The following MAP3K1 variants were observed in gnomAD, a reference collection of about 807,000 sequenced individuals.
MAP3K1 encodes the protein mitogen-activated protein kinase kinase kinase 1.
A neutral mutation model predicts 144.2 loss-of-function variants in MAP3K1; 36 were observed. That is an observed-to-expected ratio of 0.25 (90% confidence interval 0.19 to 0.33). The LOEUF is 0.33. Ranked by LOEUF, MAP3K1 falls within the 10% of genes least tolerant of loss-of-function variation. MAP3K1 has a pLI of 1.00. For missense variants in MAP3K1, 1,650 were observed against 1,881.9 expected, an observed-to-expected ratio of 0.88 and a Z score of 2.28; for synonymous variants, 718 against 688.7, an observed-to-expected ratio of 1.04 and a Z score of -0.67.
intron 19 of MAP3K1, among the ~76,000 whole-genome samples, chr5:56,893,090 G>A (rs527262609): frequency 6.6e-6 from 1 of 152,080 alleles, no homozygotes; most frequent in South Asian, 2.1e-4. Context: ...CAATGCAGTT[G>A]TGTTTTCTAT....
At chr5:56,850,187 C>G (rs1747126610) in intron 1 of MAP3K1, among the ~76,000 whole-genome samples, 1 of 152,144 alleles carries the variant, frequency 6.6e-6, no homozygotes, top group Non-Finnish European at 1.5e-5. Flanking sequence ...CCTTGCTGTC[C>G]TCTTCCTCAG....
At chr5:56,891,148 A>ACCC (rs71926811) in intron 19 of MAP3K1, among the ~76,000 whole-genome samples, 1 of 141,524 alleles carries the variant, frequency 7.1e-6, no homozygotes, top group African/African-American at 2.8e-5. Context: ...ACACACACAC[A>ACCC]CCCCCCCCCC....
chr5:56,854,432 C>CAAAAAAAAAAAA (rs10647091), intron 1 of MAP3K1, among the ~76,000 whole-genome samples: 9 of 85,242 alleles, frequency 1.1e-4, no homozygotes, highest in South Asian at 4.5e-4. Flanking sequence ...AACTCCATCT[C>CAAAAAAAAAAAA]AAAAAAAAAA....
At chr5:56,827,576 G>T (rs1746356417) in intron 1 of MAP3K1, among the ~76,000 whole-genome samples, 1 of 152,204 alleles carries the variant, frequency 6.6e-6, no homozygotes, top group African/African-American at 2.4e-5. Flanking sequence ...TTAAGAACCT[G>T]GGCCTTGCTG....
At chr5:56,834,648 G>C (rs1373827232) in intron 1 of MAP3K1, among the ~76,000 whole-genome samples, 1 of 152,174 alleles carries the variant, frequency 6.6e-6, no homozygotes, top group Non-Finnish European at 1.5e-5. Context: ...GGCGGATGTT[G>C]CAGTGAGCTG....
intron 6 of MAP3K1, among the ~76,000 whole-genome samples, chr5:56,867,914 T>C (rs909609642): frequency 6.6e-6 from 1 of 152,208 alleles, no homozygotes; most frequent in Non-Finnish European, 1.5e-5. Context: ...CATGTAGGCA[T>C]TAAAATTATG....
intron 1 of MAP3K1, among the ~76,000 whole-genome samples, chr5:56,850,359 T>C (rs960796417): frequency 2.0e-5 from 3 of 152,192 alleles, no homozygotes; most frequent in African/African-American, 7.2e-5. Flanking sequence ...GATACGGAAA[T>C]CTTAATTTAT....
At chr5:56,820,466 G>C in intron 1 of MAP3K1, 2 of 984,538 alleles carry the variant, frequency 2.0e-6, no homozygotes, top group Non-Finnish European at 2.4e-6. Flanking sequence ...AAGTTTGCCT[G>C]TTAATGTATA....
chr5:56,823,825 G>C (rs1229214991), intron 1 of MAP3K1, among the ~76,000 whole-genome samples: 1 of 152,144 alleles, frequency 6.6e-6, no homozygotes, highest in Non-Finnish European at 1.5e-5. Context: ...AACTTTATAG[G>C]TAAGAAGAGT....
chr5:56,875,228 C>G lies in MAP3K1; in HGVS notation c.1883C>G (p.Ser628Ter). The change falls in exon 10 of 20, where the codon TCA becomes TGA. Residue 628 changes from serine (S) to a stop codon, truncating the protein, a stop_gained. Transcript: ENST00000399503. LOFTEE classifies it high-confidence loss of function. Reference sequence around the variant, plus strand: ...AGTGGGTCTTCCCAGACCAGTATCTCAGGAGATGTGGTGGAGGCATGCTGC... The same window carrying G: ...AGTGGGTCTTCCCAGACCAGTATCTGAGGAGATGTGGTGGAGGCATGCTGC... ...ATSGSSQTSI[S>*]GDVVEACCSV... 1 of 1,614,094 alleles carries G rather than the reference C, an allele frequency of 6.2e-7. No individual in the cohort carries two copies. The highest frequency in any genetic ancestry group is 8.5e-7 in the Non-Finnish European group (1 of 1,180,010).
At chr5:56,834,941 T>A (rs564459926) in intron 1 of MAP3K1, among the ~76,000 whole-genome samples, 10 of 152,320 alleles carry the variant, frequency 6.6e-5, no homozygotes, top group African/African-American at 2.4e-4. Flanking sequence ...TAATAAGATA[T>A]AAAATTAAGT....
At chr5:56,821,966 C>A (rs778470492) in intron 1 of MAP3K1, among the ~76,000 whole-genome samples, 4 of 152,094 alleles carry the variant, frequency 2.6e-5, no homozygotes, top group Non-Finnish European at 4.4e-5. Flanking sequence ...TAGCTTAAGA[C>A]GAGTTTTGAA....
chr5:56,826,556 T>C (rs1034086027), intron 1 of MAP3K1, among the ~76,000 whole-genome samples: 3 of 152,188 alleles, frequency 2.0e-5, no homozygotes, highest in African/African-American at 7.2e-5. Flanking sequence ...CCTTCACAGG[T>C]CAGACAACAG....
At chr5:56,889,494 C>G (rs1174429428) in intron 19 of MAP3K1, among the ~76,000 whole-genome samples, 1 of 152,174 alleles carries the variant, frequency 6.6e-6, no homozygotes, top group Non-Finnish European at 1.5e-5. Context: ...TAAAAATTCA[C>G]ACCCAAGTCA....
At chr5:56,829,174 CTT>C (rs941506603) in intron 1 of MAP3K1, among the ~76,000 whole-genome samples, 2 of 142,918 alleles carry the variant, frequency 1.4e-5, no homozygotes. Context: ...TGTTTTTCTT[CTT>C]TTTTTTTTTT....
chr5:56,861,476 G>A (rs1301297721), intron 3 of MAP3K1, among the ~76,000 whole-genome samples: 1 of 151,104 alleles, frequency 6.6e-6, no homozygotes, highest in Non-Finnish European at 1.5e-5. Flanking sequence ...GGAGGCTGAG[G>A]CAGAGAGAAT....
In MAP3K1 at chr5:56,815,675, C is replaced by G; in HGVS notation, c.102C>G (p.Ser34Arg). The G allele has an allele frequency of 7.6e-7, 1 of 1,308,538 alleles. No homozygotes were observed. The highest frequency in any genetic ancestry group is 9.7e-7 in the Non-Finnish European group (1 of 1,032,240). 81.1% of individuals were successfully genotyped at this position (1,308,538 alleles called of 1,614,324 possible). A position where few individuals can be genotyped will look rare whatever the true frequency, so the allele number is the denominator to read the frequency against. ...GCGGCGGAGGAGCCCTCAAGGCGAG[C>G]AGCGCGCCCGCGGCTGCCGCGGGAC... The part of the protein sequence containing the change: ...AGGGGGALKA[S>R]SAPAAAAGLL... The change falls in exon 1 of 20, where the codon AGC becomes AGG. Residue 34 changes from serine to arginine, a missense_variant. Coordinates refer to ENST00000399503, the MANE Select transcript of MAP3K1 (RefSeq NM_005921.2).
chr5:56,890,390 C>G (rs1205169800), intron 19 of MAP3K1, among the ~76,000 whole-genome samples: 1 of 152,182 alleles, frequency 6.6e-6, no homozygotes, highest in East Asian at 1.9e-4. Flanking sequence ...GTAACATTTT[C>G]AGTTTCCTTA....
At chr5:56,869,541 T>G (rs542872194) in intron 6 of MAP3K1, among the ~76,000 whole-genome samples, 3 of 152,292 alleles carry the variant, frequency 2.0e-5, no homozygotes, top group African/African-American at 7.2e-5. Context: ...TAATAAAAAT[T>G]TTTAAAATAT....
Sources: gnomAD v4.1 joint callset for allele counts (sites outside exome capture counted in the v4.1 genomes callset) on GRCh38, gnomAD v4.1.1 for gene constraint, MANE v1.5 for transcripts, NCBI Gene and HGNC (gene_info 2026-07-23, HGNC 2026-07-21) for gene names.